Variants in AMMECR1 observed in about 807,000 individuals in gnomAD.
AMMECR1 encodes nuclear protein AMMECR1.
In AMMECR1, 3 loss-of-function variants were observed where a neutral mutation model predicts 22.5. The ratio of observed to expected loss-of-function variants is 0.13; its 90% CI spans 0.06 to 0.35. The LOEUF (loss-of-function observed/expected upper bound fraction) is 0.35. Among genes scored for constraint, AMMECR1 ranks in the 10% least tolerant of loss-of-function variants. The pLI, the probability that AMMECR1 is intolerant of heterozygous loss-of-function variation, is 1.00. For missense variants in AMMECR1, 235 were observed against 278.7 expected, an observed-to-expected ratio of 0.84 and a Z score of 1.12; for synonymous variants, 130 against 116.7, an observed-to-expected ratio of 1.11 and a Z score of -0.74.
chrX:110,314,792 A>C (rs1359650405), intron 1 of AMMECR1, among the ~76,000 whole-genome samples: 1 of 111,965 alleles, frequency 8.9e-6, no homozygotes, highest in Non-Finnish European at 1.9e-5. Context: ...GGTAATCAAA[A>C]CATGGGGGCA....
intron 2 of AMMECR1, among the ~76,000 whole-genome samples, chrX:110,402,200 T>C (rs1207886002): frequency 1.8e-5 from 2 of 112,954 alleles, no homozygotes; most frequent in East Asian, 2.8e-4. Context: ...CTATCTTAGA[T>C]CAAGAAGACA....
intron 2 of AMMECR1, chrX:110,225,045 G>A (rs375871220): frequency 8.1e-6 from 3 of 371,330 alleles, no homozygotes; most frequent in South Asian, 4.7e-5. Flanking sequence ...TGACAATGTC[G>A]TCTGTCATCA....
At chrX:110,432,810 C>T (rs980987491) in intron 1 of AMMECR1, among the ~76,000 whole-genome samples, 2 of 112,833 alleles carry the variant, frequency 1.8e-5, no homozygotes, top group Non-Finnish European at 3.7e-5. Context: ...GAAGTCCCAG[C>T]ACTTGAAATT....
intron 2 of AMMECR1, among the ~76,000 whole-genome samples, chrX:110,368,330 C>T (rs890974946): frequency 9.0e-6 from 1 of 111,148 alleles, no homozygotes; most frequent in African/African-American, 3.3e-5. Context: ...GAGTGACCTA[C>T]AAGATTCTAC....
chrX:110,342,891 A>G (rs1234620750), intron 2 of AMMECR1, among the ~76,000 whole-genome samples: 1 of 111,575 alleles, frequency 9.0e-6, no homozygotes, highest in East Asian at 2.8e-4. Flanking sequence ...AGAAGGATTC[A>G]CAGCTGAATT....
At chrX:110,262,064 T>C (rs1178585072) in intron 2 of AMMECR1, among the ~76,000 whole-genome samples, 3 of 111,730 alleles carry the variant, frequency 2.7e-5, no homozygotes, top group African/African-American at 9.7e-5. Flanking sequence ...ACAAAAATAA[T>C]CATAATAACA....
Position 110,377,860 on chromosome X carries a change from T to C in AMMECR1, c.-148+48798A>G, listed in dbSNP as rs923604710. Among the ~76,000 whole-genome samples the C allele has an allele frequency of 4.6e-5, 5 of 108,112 alleles. No homozygotes were observed. In the South Asian group the frequency reaches 2.1e-3, roughly 45 times the overall value. The allele number at this position is 108,112 out of a possible 115,157, so 93.9% of individuals were successfully genotyped here. A position where few individuals can be genotyped will look rare whatever the true frequency, so the allele number is the denominator to read the frequency against. On this transcript the variant is annotated intron_variant, in intron 2 of 7. Coordinates refer to the AMMECR1 transcript ENST00000372057. ...CCGTCTCTACTAAAAATACAAAAAA[T>C]TAGCCGGGCGTGGTAGCGGGCCCCT...
At chrX:110,274,701 G>A (rs1385419536) in intron 1 of AMMECR1, among the ~76,000 whole-genome samples, 2 of 111,907 alleles carry the variant, frequency 1.8e-5, no homozygotes, top group Admixed American at 9.5e-5. Context: ...GGAGTGGTTA[G>A]ACTATTTACA....
At chrX:110,384,228 T>G (rs931246240) in intron 2 of AMMECR1, among the ~76,000 whole-genome samples, 8 of 111,179 alleles carry the variant, frequency 7.2e-5, no homozygotes, top group Non-Finnish European at 1.5e-4. Flanking sequence ...TCCCCCATAG[T>G]GCCTGGTGTT....
intron 2 of AMMECR1, among the ~76,000 whole-genome samples, chrX:110,349,483 A>G (rs1167961872): frequency 1.8e-5 from 2 of 111,417 alleles, no homozygotes; most frequent in African/African-American, 3.3e-5. Flanking sequence ...TAGGGCCTCA[A>G]CGTATGAATT....
At chrX:110,255,203 T>A (rs775946422) in intron 2 of AMMECR1, among the ~76,000 whole-genome samples, 3 of 112,412 alleles carry the variant, frequency 2.7e-5, no homozygotes, top group Non-Finnish European at 5.6e-5. Context: ...ACGTTTCATA[T>A]GCTGAAATGA....
chrX:110,232,066 G>A (rs1260250136), intron 2 of AMMECR1, among the ~76,000 whole-genome samples: 2 of 110,491 alleles, frequency 1.8e-5, no homozygotes, highest in African/African-American at 3.3e-5. Flanking sequence ...CAATAATAAT[G>A]GGAGACTTTA....
intron 2 of AMMECR1, among the ~76,000 whole-genome samples, chrX:110,327,176 GATAA>G (rs1040974137): frequency 8.9e-6 from 1 of 112,016 alleles, no homozygotes; most frequent in Admixed American, 9.5e-5. Flanking sequence ...GTCTTGACTT[GATAA>G]ATAAATGTGG....
intron 2 of AMMECR1, among the ~76,000 whole-genome samples, chrX:110,349,692 C>G (rs1236326820): frequency 8.9e-6 from 1 of 111,781 alleles, no homozygotes; most frequent in Non-Finnish European, 1.9e-5. Flanking sequence ...TTATACTGTT[C>G]TTAGTACTTT....
At chrX:110,436,042 G>T (rs1039449548) in intron 1 of AMMECR1, among the ~76,000 whole-genome samples, 1 of 112,573 alleles carries the variant, frequency 8.9e-6, no homozygotes, top group South Asian at 3.7e-4. Flanking sequence ...AACCAGTAAG[G>T]TCTTCTATAG....
At chrX:110,244,313 G>C (rs1010192781) in intron 2 of AMMECR1, among the ~76,000 whole-genome samples, 22 of 111,502 alleles carry the variant, frequency 2.0e-4, no homozygotes, top group African/African-American at 7.2e-4. Flanking sequence ...AGCAGCCCGA[G>C]TCAGGGTAAT....
At chrX:110,326,880 G>A (rs1009959196) in intron 2 of AMMECR1, among the ~76,000 whole-genome samples, 1 of 111,627 alleles carries the variant, frequency 9.0e-6, no homozygotes, top group Non-Finnish European at 1.9e-5. Context: ...AAGATAAAAA[G>A]AAAGGAGAAT....
chrX:110,414,146 C>A (rs1055437307), intron 2 of AMMECR1, among the ~76,000 whole-genome samples: 2 of 112,375 alleles, frequency 1.8e-5, no homozygotes, highest in Non-Finnish European at 3.8e-5. Flanking sequence ...CTGACAGTTT[C>A]CTCCTCTGTG....
At chrX:110,241,699 T>A (rs1211211037) in intron 2 of AMMECR1, among the ~76,000 whole-genome samples, 1 of 106,784 alleles carries the variant, frequency 9.4e-6, no homozygotes, top group African/African-American at 3.4e-5. Flanking sequence ...TTAGGAGAAA[T>A]ACCTAATGTA....
Sources: gnomAD v4.1 joint callset for allele counts (sites outside exome capture counted in the v4.1 genomes callset) on GRCh38, gnomAD v4.1.1 for gene constraint, MANE v1.5 for transcripts, NCBI Gene and HGNC (gene_info 2026-07-23, HGNC 2026-07-21) for gene names.